Variants in KCNS3 observed in about 807,000 individuals in gnomAD.
KCNS3 encodes delayed-rectifier potassium channel regulatory subunit KCNS3.
A neutral mutation model predicts 31.0 loss-of-function variants in KCNS3; 13 were observed. The observed-to-expected ratio is 0.42, with a 90% CI of 0.27 to 0.67. The LOEUF (loss-of-function observed/expected upper bound fraction) is 0.67, where lower values mean the gene tolerates loss of function less well. KCNS3 is among the 30% of genes least tolerant of loss of function. The probability of loss-of-function intolerance (pLI) is 0.25; values close to 1 mark genes in which losing one functional copy is unlikely to be tolerated. For synonymous variants in KCNS3, 238 were observed against 241.5 expected (o/e 0.99, Z 0.13); for missense variants, 545 against 622.4 (o/e 0.88, Z 1.32).
At chr2:17,910,261 A>G (rs919742332) in intron 1 of KCNS3, among the ~76,000 whole-genome samples, 19 of 152,226 alleles carry the variant, frequency 1.2e-4, no homozygotes, top group African/African-American at 3.9e-4. Context: ...CTCTTCAATA[A>G]CTCTGATAGG....
chr2:17,882,858 C>A (rs1174591845), intron 1 of KCNS3, among the ~76,000 whole-genome samples: 1 of 152,044 alleles, frequency 6.6e-6, no homozygotes, highest in Non-Finnish European at 1.5e-5. Flanking sequence ...CATATCTGCA[C>A]ATTATACTTT....
intron 1 of KCNS3, among the ~76,000 whole-genome samples, chr2:17,888,629 G>GTATATCTA (rs35102585): frequency 0.063 from 5,782 of 92,076 alleles, 450 homozygotes; most frequent in Non-Finnish European, 0.073. Context: ...TAAAAAAAAT[G>GTATATCTA]TATATATATA....
Position 17,932,054 on chromosome 2 carries a change from A to T in KCNS3, c.1046A>T (p.Asp349Val). Residue 349 changes from aspartate to valine, a missense_variant, in exon 3 of 3, where the codon GAC becomes GTC. By Grantham distance (152) the Asp-to-Val change is radical. Transcript: ENST00000304101. ...SVLIYSVEKD[D>V]HTSSLTSIPI... ...CTTATCTACTCCGTGGAGAAAGATG[A>T]CCACACATCCAGCCTCACCAGCATC... 1 of 1,614,112 alleles carries T rather than the reference A, an allele frequency of 6.2e-7. No homozygotes were observed.
chr2:17,886,953 TC>T (rs1485385878), intron 1 of KCNS3, among the ~76,000 whole-genome samples: 2 of 152,144 alleles, frequency 1.3e-5, no homozygotes, highest in South Asian at 2.1e-4. Context: ...TTAAGCAGGT[TC>T]CCCAGACTTG....
At chr2:17,908,079 C>T (rs185029749) in intron 1 of KCNS3, among the ~76,000 whole-genome samples, 18 of 152,252 alleles carry the variant, frequency 1.2e-4, no homozygotes, top group Non-Finnish European at 2.1e-4. Context: ...CCATTCTCCC[C>T]GTCACTTTTA....
intron 2 of KCNS3, among the ~76,000 whole-genome samples, chr2:17,926,531 G>A (rs961234481): frequency 3.9e-5 from 6 of 152,210 alleles, no homozygotes; most frequent in Non-Finnish European, 8.8e-5. Flanking sequence ...TGAAATCTAG[G>A]TAGAGGTTCC....
At chr2:17,906,762 A>C (rs1347165995) in intron 1 of KCNS3, among the ~76,000 whole-genome samples, 1 of 151,998 alleles carries the variant, frequency 6.6e-6, no homozygotes, top group African/African-American at 2.4e-5. Flanking sequence ...CATGTAGTTG[A>C]GTGGTTTTGA....
intron 1 of KCNS3, among the ~76,000 whole-genome samples, chr2:17,884,267 AAATATATAT>A (rs1558445107): frequency 2.6e-5 from 1 of 38,708 alleles, no homozygotes. Flanking sequence ...AAAAAAAAAA[AAATATATAT>A]ATATATATAT....
At chr2:17,889,704 A>G (rs1661793236) in intron 1 of KCNS3, among the ~76,000 whole-genome samples, 1 of 151,748 alleles carries the variant, frequency 6.6e-6, no homozygotes, top group South Asian at 2.1e-4. Flanking sequence ...TTTGTTTTTT[A>G]ATTCTGTTTA....
intron 1 of KCNS3, among the ~76,000 whole-genome samples, chr2:17,890,868 G>C (rs35217340): frequency 0.29 from 44,550 of 151,918 alleles, 6,711 homozygotes; most frequent in East Asian, 0.39. Context: ...CTTGGAGAAA[G>C]TTCCATGCAT....
At chr2:17,897,584 C>G (rs532627447) in intron 1 of KCNS3, among the ~76,000 whole-genome samples, 1 of 152,116 alleles carries the variant, frequency 6.6e-6, no homozygotes, top group African/African-American at 2.4e-5. Flanking sequence ...GTTTGTTGGC[C>G]ACTTGTATGT....
chr2:17,926,118 G>C (rs889528911), intron 2 of KCNS3, among the ~76,000 whole-genome samples: 4 of 152,182 alleles, frequency 2.6e-5, no homozygotes, highest in Non-Finnish European at 5.9e-5. Flanking sequence ...CCCATCAGGG[G>C]AGCCATTAAG....
At chr2:17,882,729 A>G (rs1035816636) in intron 1 of KCNS3, among the ~76,000 whole-genome samples, 1 of 152,228 alleles carries the variant, frequency 6.6e-6, no homozygotes, top group Non-Finnish European at 1.5e-5. Context: ...GTGAATACTC[A>G]ATTATCATGA....
At chr2:17,914,895 A>C (rs1662554095) in intron 1 of KCNS3, among the ~76,000 whole-genome samples, 1 of 151,972 alleles carries the variant, frequency 6.6e-6, no homozygotes, top group South Asian at 2.1e-4. Context: ...GGGCAACCTT[A>C]CTCCTATGAT....
At chr2:17,878,433 A>G (rs1417217602), upstream of KCNS3, among the ~76,000 whole-genome samples, 1 of 151,566 alleles carries the variant, frequency 6.6e-6, no homozygotes, top group African/African-American at 2.4e-5. Flanking sequence ...CGCGGCCGGC[A>G]GGGCAGCATC....
At chr2:17,878,536 C>G (rs1433791219), upstream of KCNS3, 1 of 150,676 alleles carries the variant, frequency 6.6e-6, no homozygotes, top group Non-Finnish European at 1.5e-5. Context: ...GCTGCGGGCC[C>G]GAAGCGAGGG....
chr2:17,912,444 C>A (rs1662492693), intron 1 of KCNS3, among the ~76,000 whole-genome samples: 1 of 152,224 alleles, frequency 6.6e-6, no homozygotes, highest in South Asian at 2.1e-4. Flanking sequence ...CAGTGCAGTT[C>A]CTTTCTGTGG....
chr2:17,908,245 A>G (rs958379658), intron 1 of KCNS3, among the ~76,000 whole-genome samples: 2 of 152,134 alleles, frequency 1.3e-5, no homozygotes, highest in Non-Finnish European at 2.9e-5. Context: ...CTTCCAGTTG[A>G]TTGAATCGGC....
chr2:17,906,661 G>A (rs190627730), intron 1 of KCNS3, among the ~76,000 whole-genome samples: 12 of 152,152 alleles, frequency 7.9e-5, no homozygotes, highest in South Asian at 2.1e-4. Flanking sequence ...ATGTTGTGTC[G>A]TTGTTCTCAT....
Sources: gnomAD v4.1 joint callset for allele counts (sites outside exome capture counted in the v4.1 genomes callset) on GRCh38, gnomAD v4.1.1 for gene constraint, MANE v1.5 for transcripts, NCBI Gene and HGNC (gene_info 2026-07-23, HGNC 2026-07-21) for gene names.